DNASE1: variants seen among roughly 807,000 people sequenced by gnomAD.
The protein encoded by DNASE1 is deoxyribonuclease 1.
Under a neutral mutation model 33.9 loss-of-function variants are expected in DNASE1, and 40 were observed. That is an observed-to-expected ratio of 1.18 (90% CI 0.92 to 1.54). The LOEUF is 1.54. DNASE1 is among the 40% of genes most tolerant of loss of function. The pLI, the probability that DNASE1 is intolerant of heterozygous loss-of-function variation, is 0.00. For synonymous variants in DNASE1, 216 were observed against 160.0 expected (o/e 1.35, Z -2.64); for missense variants, 518 against 372.6 (o/e 1.39, Z -3.21).
At chr16:3,661,710 G>A (rs543769375), downstream of DNASE1, 148 of 378,776 alleles carry the variant, frequency 3.9e-4, no homozygotes, top group African/African-American at 2.5e-3. Context: ...AGCATGTCCA[G>A]GACACGCACA....
intron 1 of DNASE1, among the ~76,000 whole-genome samples, chr16:3,626,495 C>T (rs768648116): frequency 1.6e-4 from 25 of 152,166 alleles, no homozygotes; most frequent in Non-Finnish European, 2.2e-4. Flanking sequence ...AGAGATCATA[C>T]TTTATATGAT....
At chr16:3,622,639 G>A (rs2041363980) in intron 1 of DNASE1, among the ~76,000 whole-genome samples, 1 of 151,748 alleles carries the variant, frequency 6.6e-6, no homozygotes, top group Non-Finnish European at 1.5e-5. Context: ...CTTTTTTGAG[G>A]TGGAGTCTCA....
At chr16:3,658,309 C>A, downstream of DNASE1, 1 of 1,193,786 alleles carries the variant, frequency 8.4e-7, no homozygotes, top group Non-Finnish European at 1.2e-6. Context: ...CAGAGTCTCA[C>A]TGTTGCCGAG....
intron 1 of DNASE1, among the ~76,000 whole-genome samples, chr16:3,628,914 G>A (rs569380996): frequency 5.5e-5 from 8 of 146,208 alleles, no homozygotes; most frequent in Non-Finnish European, 1.0e-4. Flanking sequence ...GCTCACGCCG[G>A]TAATCCCAGC....
In DNASE1 at chr16:3,649,419, T is replaced by C. The variant is rs566424684; in HGVS notation, c.-85-5542T>C. Among the ~76,000 whole-genome samples, 6 of 152,366 alleles carry C rather than the reference T, an allele frequency of 3.9e-5. No individual in the cohort carries two copies. The South Asian group carries it at 1.2e-3, about 32-fold the overall frequency. On this transcript the variant is annotated intron_variant, in intron 1 of 9. Coordinates refer to the DNASE1 transcript ENST00000407479. ...ATCCCCCTAAGGTGGCTGATAATTATTTTATGTCAACATGAACTTATGTAT... is the reference window on the plus strand; with the variant it reads ...ATCCCCCTAAGGTGGCTGATAATTACTTTATGTCAACATGAACTTATGTAT...
rs767013017 is a variant in DNASE1, at chr16:3,657,890, G to A, written c.802-16G>A. 1.2e-6 allele frequency: 2 copies of A among 1,613,962 alleles called. No homozygotes were observed. Among genetic ancestry groups the A allele is most frequent in the South Asian group, 1.1e-5 (1 of 91,084 alleles). On this transcript the variant is annotated splice_polypyrimidine_tract_variant and intron_variant, in intron 8 of 8. Coordinates refer to ENST00000246949, the MANE Select transcript of DNASE1 (RefSeq NM_005223.4). ...CAGGTAGGCTCAGCCCAGACCCTGT[G>A]CCCACTTGCCTGCAGGCCCAAGCCA...
intron 1 of DNASE1, among the ~76,000 whole-genome samples, chr16:3,624,248 G>T (rs574520894): frequency 2.0e-5 from 3 of 149,044 alleles, no homozygotes; most frequent in South Asian, 2.1e-4. Context: ...CAGCCTGGGC[G>T]ACAGAGTGAG....
At chr16:3,664,234 T>G (rs754302006) in exon 10 of DNASE1, 17 of 1,500,862 alleles carry the variant, frequency 1.1e-5, no homozygotes, top group Non-Finnish European at 1.5e-5. Context: ...CCTCCCCAGG[T>G]TGCAGCCCCC....
intron 2 of DNASE1, 41 bp from the exon 3 acceptor site, chr16:3,655,808 G>T: frequency 6.2e-7 from 1 of 1,608,310 alleles, no homozygotes; most frequent in South Asian, 1.1e-5. Context: ...GTCCCTGGGT[G>T]GCACCAGCCC....
chr16:3,657,560 T>A (rs757631746), intron 7 of DNASE1, among the ~76,000 whole-genome samples, 160 bp from the exon 8 acceptor site: 1 of 152,184 alleles, frequency 6.6e-6, no homozygotes, highest in Non-Finnish European at 1.5e-5. Context: ...TAGGCTGTCA[T>A]GTGGTTTCCA....
At chr16:3,623,955 A>C (rs1024986939) in intron 1 of DNASE1, among the ~76,000 whole-genome samples, 15 of 152,162 alleles carry the variant, frequency 9.9e-5, no homozygotes, top group African/African-American at 3.4e-4. Context: ...ATATGCTGTT[A>C]ATGGGACTGT....
At chr16:3,612,863 G>A (rs747215030) in intron 1 of DNASE1, among the ~76,000 whole-genome samples, 14 of 152,130 alleles carry the variant, frequency 9.2e-5, no homozygotes, top group Non-Finnish European at 1.9e-4. Flanking sequence ...TAGTCAAGAC[G>A]CAGTTGTTAA....
chr16:3,654,102 C>G (rs1304253091), upstream of DNASE1: 1 of 305,872 alleles, frequency 3.3e-6, no homozygotes, highest in East Asian at 5.1e-5. Context: ...CAGTGTGAGA[C>G]CCTGTCTCAA....
At chr16:3,638,139 G>T (rs1031946885), upstream of DNASE1, among the ~76,000 whole-genome samples, 37 of 146,924 alleles carry the variant, frequency 2.5e-4, no homozygotes, top group Admixed American at 2.4e-3. Flanking sequence ...GTGTGTGTGT[G>T]TTTTTCCCAG....
At chr16:3,623,761 A>G (rs181318773) in intron 1 of DNASE1, among the ~76,000 whole-genome samples, 1 of 152,204 alleles carries the variant, frequency 6.6e-6, no homozygotes, top group African/African-American at 2.4e-5. Flanking sequence ...ACAAGAACAC[A>G]TACTTCTCAA....
chr16:3,631,749 C>G (rs374154938), intron 1 of DNASE1, among the ~76,000 whole-genome samples: 5 of 151,964 alleles, frequency 3.3e-5, no homozygotes, highest in African/African-American at 9.7e-5. Flanking sequence ...TCTTGAACTC[C>G]TGACCTCAGG....
At chr16:3,618,873 A>G (rs1013447954) in intron 1 of DNASE1, among the ~76,000 whole-genome samples, 1 of 152,086 alleles carries the variant, frequency 6.6e-6, no homozygotes, top group Non-Finnish European at 1.5e-5. Flanking sequence ...ATTTTTTTTT[A>G]GTGACAAGGT....
chr16:3,621,992 A>G (rs1264086800), intron 1 of DNASE1, among the ~76,000 whole-genome samples: 4 of 152,280 alleles, frequency 2.6e-5, no homozygotes, highest in Non-Finnish European at 5.9e-5. Flanking sequence ...AGACCGAGGC[A>G]GGTGGATCAC....
chr16:3,662,183 G>A (rs761214214), downstream of DNASE1: 6 of 1,576,518 alleles, frequency 3.8e-6, no homozygotes, highest in African/African-American at 2.7e-5. Context: ...AATGTGAGAG[G>A]GCTGGCAGGA....
Sources: gnomAD v4.1 joint callset for allele counts (sites outside exome capture counted in the v4.1 genomes callset) on GRCh38, gnomAD v4.1.1 for gene constraint, MANE v1.5 for transcripts, NCBI Gene and HGNC (gene_info 2026-07-23, HGNC 2026-07-21) for gene names.